Variants in GSE1 observed in about 807,000 individuals in gnomAD.
GSE1 encodes Gse1 coiled-coil protein, also known as genetic suppressor element 1.
A neutral mutation model predicts 112.6 loss-of-function variants in GSE1; 32 were observed. That is an observed-to-expected ratio of 0.28 (90% CI 0.21 to 0.38). GSE1 has a LOEUF of 0.38. Among genes scored for constraint, GSE1 ranks in the 10% least tolerant of loss-of-function variants. The pLI, the probability that GSE1 is intolerant of heterozygous loss-of-function variation, is 1.00. For synonymous variants in GSE1, 1,115 were observed against 735.6 expected (o/e 1.52, Z -8.35); for missense variants, 2,348 against 1,699.2 (o/e 1.38, Z -6.71).
rs1326861266 is a variant in GSE1, at chr16:85,675,149, C to G, written c.*2610C>G. 7.0e-6 allele frequency: 1 copy of G among 143,536 alleles called. No individual in the cohort carries two copies. Among genetic ancestry groups the G allele is most frequent in the African/African-American group, 2.5e-5 (1 of 39,566 alleles). The allele number at this position is 143,536 out of a possible 1,614,324, so 8.9% of individuals were successfully genotyped here. On this transcript the variant is annotated 3_prime_UTR_variant, in exon 16 of 16. Coordinates refer to ENST00000253458, the MANE Select transcript of GSE1 (RefSeq NM_014615.5). ...TCAATTGGGCTTAAAAATTGACATG[C>G]AATCTCTTAAGTTTTTTGTTCAGCT...
chr16:85,322,268 G>A (rs1012058282), intron 1 of GSE1, among the ~76,000 whole-genome samples: 40 of 152,174 alleles, frequency 2.6e-4, no homozygotes, highest in Non-Finnish European at 5.3e-4. Flanking sequence ...TGATAGTACC[G>A]GGTGGGTCAG....
chr16:85,665,258 G>C, intron 12 of GSE1, 130 bp downstream of exon 12: 1 of 617,580 alleles, frequency 1.6e-6, no homozygotes, highest in East Asian at 2.8e-5. Flanking sequence ...TTCCATTCTT[G>C]TACCAGCGTA....
intron 2 of GSE1, among the ~76,000 whole-genome samples, chr16:85,549,293 G>A (rs1453231893): frequency 6.6e-6 from 1 of 151,780 alleles, no homozygotes; most frequent in African/African-American, 2.4e-5. Context: ...TGCTGCCTCA[G>A]CTTCCCATGT....
chr16:85,557,133 G>C (rs1348395327), intron 1 of GSE1, among the ~76,000 whole-genome samples: 1 of 152,150 alleles, frequency 6.6e-6, no homozygotes, highest in Non-Finnish European at 1.5e-5. Context: ...AGGCTACATG[G>C]AAGCTGGTGA....
At chr16:85,277,640 C>G (rs906123154) in intron 1 of GSE1, among the ~76,000 whole-genome samples, 1 of 152,230 alleles carries the variant, frequency 6.6e-6, no homozygotes, top group Non-Finnish European at 1.5e-5. Flanking sequence ...TGGAAGAGCC[C>G]CTGGGCTGCA....
At chr16:85,478,919 CTTTCTTTCTCTTTCTT>C (rs2050576082) in intron 2 of GSE1, among the ~76,000 whole-genome samples, 4 of 45,546 alleles carry the variant, frequency 8.8e-5, no homozygotes, top group African/African-American at 5.2e-4. Flanking sequence ...TTCTTTCTTT[CTTTCTTTCTCTTTCTT>C]TCTTTCTTTC....
At chr16:85,465,255 C>A (rs2151832990) in intron 2 of GSE1, among the ~76,000 whole-genome samples, 1 of 152,376 alleles carries the variant, frequency 6.6e-6, no homozygotes, top group East Asian at 1.9e-4. Context: ...CTCCTGCCTC[C>A]CCAGCTCTCC....
intron 2 of GSE1, among the ~76,000 whole-genome samples, chr16:85,361,048 C>T (rs1188053033): frequency 6.6e-6 from 1 of 151,842 alleles, no homozygotes; most frequent in Non-Finnish European, 1.5e-5. Flanking sequence ...TACACATATG[C>T]GATACACATA....
chr16:85,627,189 G>C (rs371291538), intron 1 of GSE1, among the ~76,000 whole-genome samples: 2 of 148,918 alleles, frequency 1.3e-5, no homozygotes. Flanking sequence ...GGCCTCACCC[G>C]GGGGCGGTGG....
intron 1 of GSE1, among the ~76,000 whole-genome samples, chr16:85,603,373 G>A (rs898377998): frequency 4.6e-5 from 7 of 152,202 alleles, no homozygotes; most frequent in Admixed American, 2.0e-4. Flanking sequence ...CCCAGTGCCC[G>A]AGGGTCATCC....
intron 2 of GSE1, among the ~76,000 whole-genome samples, chr16:85,389,891 C>G (rs899781430): frequency 6.6e-6 from 1 of 152,210 alleles, no homozygotes; most frequent in African/African-American, 2.4e-5. Context: ...TGGGCCCACG[C>G]TTAGCGGATC....
chr16:85,219,043 C>G (rs1370667630), intron 1 of GSE1, among the ~76,000 whole-genome samples: 1 of 152,108 alleles, frequency 6.6e-6, no homozygotes, highest in Non-Finnish European at 1.5e-5. Flanking sequence ...CCACGACCGG[C>G]TAGTTTTTTG....
chr16:85,640,753 G>A (rs527796098), intron 2 of GSE1, among the ~76,000 whole-genome samples: 34 of 152,382 alleles, frequency 2.2e-4, no homozygotes, highest in East Asian at 7.7e-4. Context: ...AAACAAACAC[G>A]GAGGAAGGAT....
chr16:85,612,301 C>T (rs966733428), upstream of GSE1, among the ~76,000 whole-genome samples: 7 of 152,004 alleles, frequency 4.6e-5, no homozygotes, highest in East Asian at 3.9e-4. Flanking sequence ...CTGGGGCCTT[C>T]AGTCCCTCTC....
chr16:85,597,813 C>A (rs2047297891), intron 1 of GSE1, among the ~76,000 whole-genome samples: 1 of 152,204 alleles, frequency 6.6e-6, no homozygotes, highest in Admixed American at 6.5e-5. Context: ...TCAGCCATTA[C>A]TGGTCTCAGG....
At chr16:85,525,397 G>A (rs1264134643) in intron 2 of GSE1, among the ~76,000 whole-genome samples, 1 of 152,210 alleles carries the variant, frequency 6.6e-6, no homozygotes, top group African/African-American at 2.4e-5. Flanking sequence ...CGGCGTGGCT[G>A]TCATCTCCCC....
At chr16:85,280,643 A>G (rs148784284) in intron 1 of GSE1, among the ~76,000 whole-genome samples, 1,975 of 152,164 alleles carry the variant, frequency 0.013, 44 homozygotes, top group African/African-American at 0.045. Context: ...TGATCCGCCC[A>G]CCTCAGCCTC....
Position 85,662,981 on chromosome 16 carries a change from G to C in GSE1, c.2261G>C (p.Gly754Ala). The change falls in exon 10 of 16, where the codon GGG becomes GCG. Residue 754 changes from glycine to alanine, a missense_variant and splice_region_variant. Transcript: ENST00000253458. The part of the protein sequence containing the change: ...ERRRREAQEK[G>A]YYYDLDDSYD... ...CTGAATACAACCATTTCTCCATCAG[G>C]GTACTACTACGACCTCGATGACTCT... 1.9e-6 allele frequency: 3 copies of C among 1,588,136 alleles called. No homozygotes were observed. The highest frequency in any genetic ancestry group is 1.7e-5 in the Admixed American group (1 of 59,992).
chr16:85,210,088 A>G (rs2143648045), intron 1 of GSE1, among the ~76,000 whole-genome samples: 1 of 152,356 alleles, frequency 6.6e-6, no homozygotes, highest in Non-Finnish European at 1.5e-5. Context: ...CTGCAAAAAT[A>G]TGGCTCATTC....
Sources: allele counts gnomAD v4.1 joint callset (sites outside exome capture counted in the v4.1 genomes callset), GRCh38; gene constraint gnomAD v4.1.1; transcripts MANE v1.5; gene names NCBI Gene and HGNC (gene_info 2026-07-23, HGNC 2026-07-21).